The following THSD7A variants were observed in gnomAD, a reference collection of about 807,000 sequenced individuals.
THSD7A encodes thrombospondin type 1 domain containing 7A.
Under a neutral mutation model 231.3 loss-of-function variants are expected in THSD7A, and 96 were observed. That is an observed-to-expected ratio of 0.41 (90% CI 0.35 to 0.49). The LOEUF is 0.49. Ranked by LOEUF, THSD7A falls within the 20% of genes least tolerant of loss-of-function variation. The pLI, the probability that THSD7A is intolerant of heterozygous loss-of-function variation, is 0.05. For missense variants in THSD7A, 2,290 were observed against 2,070.2 expected, an observed-to-expected ratio of 1.11 and a Z score of -2.06; for synonymous variants, 940 against 743.3, an observed-to-expected ratio of 1.26 and a Z score of -4.30.
chr7:11,774,541 G>C (rs1220531742), intron 1 of THSD7A, among the ~76,000 whole-genome samples: 1 of 151,746 alleles, frequency 6.6e-6, no homozygotes, highest in Non-Finnish European at 1.5e-5. Flanking sequence ...CACAAGAAAA[G>C]TTTTGGAGGT....
intron 1 of THSD7A, among the ~76,000 whole-genome samples, chr7:11,667,716 A>G (rs1035588436): frequency 2.0e-5 from 3 of 152,192 alleles, no homozygotes; most frequent in Admixed American, 1.3e-4. Context: ...ATCTATATAT[A>G]AATGTATGAA....
At chr7:11,786,473 A>G (rs956618631) in intron 1 of THSD7A, among the ~76,000 whole-genome samples, 6 of 151,964 alleles carry the variant, frequency 3.9e-5, no homozygotes. Flanking sequence ...GTCTTGCAAC[A>G]GTAAGTTGTT....
intron 1 of THSD7A, among the ~76,000 whole-genome samples, chr7:11,719,930 T>C (rs1301017832): frequency 6.6e-6 from 1 of 151,406 alleles, no homozygotes; most frequent in Non-Finnish European, 1.5e-5. Flanking sequence ...TCCTTAACTA[T>C]AACTCTGTAT....
intron 4 of THSD7A, among the ~76,000 whole-genome samples, chr7:11,575,514 C>CTA (rs1790857597): frequency 1.3e-5 from 2 of 152,120 alleles, no homozygotes; most frequent in African/African-American, 2.4e-5. Flanking sequence ...TTATCCTATC[C>CTA]TCACCGCAAT....
At chr7:11,740,147 G>A (rs111267331) in intron 1 of THSD7A, among the ~76,000 whole-genome samples, 4,069 of 151,940 alleles carry the variant, frequency 0.027, 199 homozygotes, top group African/African-American at 0.093. Context: ...GATCCCACAC[G>A]TCTCACTCCT....
intron 1 of THSD7A, among the ~76,000 whole-genome samples, chr7:11,677,405 T>C (rs1783683228): frequency 2.0e-5 from 3 of 151,758 alleles, no homozygotes; most frequent in African/African-American, 7.3e-5. Flanking sequence ...AGAATCAAAT[T>C]CACACATAAC....
intron 22 of THSD7A, among the ~76,000 whole-genome samples, chr7:11,404,865 T>C (rs903237263): frequency 3.9e-5 from 6 of 152,190 alleles, no homozygotes; most frequent in African/African-American, 1.2e-4. Context: ...CTACAGGCAC[T>C]ATGTCTTAGA....
chr7:11,700,259 G>A (rs1177435638), intron 1 of THSD7A, among the ~76,000 whole-genome samples: 2 of 150,984 alleles, frequency 1.3e-5, no homozygotes. Context: ...ATAAAAGGAG[G>A]AAAATTAACT....
At chr7:11,817,879 G>A (rs1784754901) in intron 1 of THSD7A, among the ~76,000 whole-genome samples, 1 of 136,546 alleles carries the variant, frequency 7.3e-6, no homozygotes, top group South Asian at 2.2e-4. Context: ...TCTTTTTACT[G>A]ACTACACACA....
At chr7:11,448,941 G>C (rs1785059313) in intron 11 of THSD7A, among the ~76,000 whole-genome samples, 1 of 152,054 alleles carries the variant, frequency 6.6e-6, no homozygotes. Context: ...AACAGTGTTG[G>C]CCTTGATGAA....
chr7:11,820,863 G>C (rs1784853822), intron 1 of THSD7A: 1 of 929,078 alleles, frequency 1.1e-6, no homozygotes, highest in Admixed American at 1.9e-5. Context: ...TGTTTTCTCA[G>C]CTGACCTTTC....
chr7:11,503,625 G>A (rs777075469), intron 6 of THSD7A, among the ~76,000 whole-genome samples: 5 of 151,738 alleles, frequency 3.3e-5, no homozygotes, highest in South Asian at 2.1e-4. Flanking sequence ...AAAAACAAAC[G>A]ACTCCATTAA....
At chr7:11,792,922 T>G (rs1784004451) in intron 1 of THSD7A, among the ~76,000 whole-genome samples, 1 of 151,940 alleles carries the variant, frequency 6.6e-6, no homozygotes, top group African/African-American at 2.4e-5. Context: ...TGGGTGAGGT[T>G]TGCCCTGTGA....
chr7:11,719,097 A>C (rs937887648), intron 1 of THSD7A, among the ~76,000 whole-genome samples: 3 of 151,612 alleles, frequency 2.0e-5, no homozygotes, highest in African/African-American at 4.8e-5. Flanking sequence ...TTAAGTCCAC[A>C]GAAGGCCAAG....
At chr7:11,789,061 G>A (rs1783874104) in intron 1 of THSD7A, among the ~76,000 whole-genome samples, 1 of 151,770 alleles carries the variant, frequency 6.6e-6, no homozygotes, top group Non-Finnish European at 1.5e-5. Context: ...GGATGGTCAG[G>A]GAAGACATCT....
chr7:11,591,961 A>G (rs1348137862), intron 3 of THSD7A, among the ~76,000 whole-genome samples: 1 of 152,242 alleles, frequency 6.6e-6, no homozygotes, highest in Non-Finnish European at 1.5e-5. Flanking sequence ...CAAAAAGGGC[A>G]TGGAGAAAGA....
chr7:11,395,111 G>A (rs1000431276), intron 23 of THSD7A, among the ~76,000 whole-genome samples: 5 of 151,298 alleles, frequency 3.3e-5, no homozygotes, highest in Non-Finnish European at 7.4e-5. Flanking sequence ...TAAAATAAAG[G>A]GATGGAGGAA....
At chr7:11,803,658 T>C (rs1160892683) in intron 1 of THSD7A, among the ~76,000 whole-genome samples, 1 of 152,206 alleles carries the variant, frequency 6.6e-6, no homozygotes, top group African/African-American at 2.4e-5. Flanking sequence ...CTATGCTAGA[T>C]AAGAATCCCT....
intron 16 of THSD7A, among the ~76,000 whole-genome samples, chr7:11,422,297 G>A (rs541766572): frequency 6.6e-6 from 1 of 152,226 alleles, no homozygotes; most frequent in East Asian, 1.9e-4. Flanking sequence ...TCCTTAAAGA[G>A]GAAGAGTGTA....
Sources: gnomAD v4.1 joint callset for allele counts (sites outside exome capture counted in the v4.1 genomes callset) on GRCh38, gnomAD v4.1.1 for gene constraint, MANE v1.5 for transcripts, NCBI Gene and HGNC (gene_info 2026-07-23, HGNC 2026-07-21) for gene names.